TDP1: variants seen among roughly 807,000 people sequenced by gnomAD.
TDP1 encodes the protein tyr-DNA phosphodiesterase 1.
In TDP1, 64 loss-of-function variants were observed where a neutral mutation model predicts 81.5. The observed-to-expected ratio is 0.79, with a 90% confidence interval of 0.64 to 0.97. TDP1 has a LOEUF of 0.97. TDP1 is among the 50% of genes least tolerant of loss of function. The pLI is 0.00. For missense variants in TDP1, 723 were observed against 743.8 expected, an observed-to-expected ratio of 0.97 and a Z score of 0.33; for synonymous variants, 256 against 264.3, an observed-to-expected ratio of 0.97 and a Z score of 0.30.
intron 14 of TDP1, among the ~76,000 whole-genome samples, chr14:89,997,640 G>C (rs1318464319): frequency 6.6e-6 from 1 of 152,088 alleles, no homozygotes; most frequent in Admixed American, 6.5e-5. Flanking sequence ...GCGGATCAAC[G>C]CCTGGGCATT....
intron 6 of TDP1, among the ~76,000 whole-genome samples, chr14:89,974,375 A>AG (rs1317505710): frequency 6.6e-6 from 1 of 152,232 alleles, no homozygotes. Context: ...CAGTTTATAG[A>AG]GTGGCAGTCT....
chr14:90,041,488 G>C (rs1430961811), intron 16 of TDP1, among the ~76,000 whole-genome samples: 1 of 152,184 alleles, frequency 6.6e-6, no homozygotes, highest in Non-Finnish European at 1.5e-5. Flanking sequence ...CTGTTCGTAT[G>C]ATGGCTCTGA....
chr14:89,975,337 A>G lies in TDP1; in HGVS notation c.757-444A>G, dbSNP rs1196878098. ...GTGATGTGCCCGCCTCAGCCTCCCA[A>G]AGTGCTGGGATTACAGGCGTGAGCC... On this transcript the variant is annotated intron_variant, in intron 6 of 16. Coordinates refer to ENST00000335725, the MANE Select transcript of TDP1 (RefSeq NM_018319.4). 3 of 840,198 alleles carry G rather than the reference A, an allele frequency of 3.6e-6. No homozygotes were observed. In the African/African-American group the frequency reaches 5.5e-5, roughly 15 times the overall value. The allele number at this position is 840,198 out of a possible 1,614,324, so 52.0% of individuals were successfully genotyped here. A position where few individuals can be genotyped will look rare whatever the true frequency, so the allele number is the denominator to read the frequency against.
intron 14 of TDP1, among the ~76,000 whole-genome samples, chr14:90,013,776 C>T (rs1168336610): frequency 6.6e-6 from 1 of 152,200 alleles, no homozygotes; most frequent in Non-Finnish European, 1.5e-5. Flanking sequence ...CAGTTTCCCC[C>T]ATACTGTTCT....
intron 14 of TDP1, among the ~76,000 whole-genome samples, chr14:90,012,149 T>G (rs993135637): frequency 1.4e-4 from 21 of 152,152 alleles, no homozygotes; most frequent in Admixed American, 3.9e-4. Flanking sequence ...GCCCCAAGCC[T>G]TGGTGGCTTA....
intron 8 of TDP1, among the ~76,000 whole-genome samples, chr14:89,982,049 T>C (rs1057056540): frequency 9.9e-5 from 15 of 152,114 alleles, no homozygotes; most frequent in Non-Finnish European, 8.8e-5. Flanking sequence ...GCAGGACAAA[T>C]GTAATCTCCC....
intron 10 of TDP1, among the ~76,000 whole-genome samples, chr14:89,986,766 T>TA: frequency 6.6e-6 from 1 of 152,344 alleles, no homozygotes; most frequent in East Asian, 1.9e-4. Flanking sequence ...CACCATGCTG[T>TA]ACCCAAGGTG....
chr14:90,032,298 C>A (rs1174560252), intron 15 of TDP1, among the ~76,000 whole-genome samples: 1 of 152,108 alleles, frequency 6.6e-6, no homozygotes, highest in Non-Finnish European at 1.5e-5. Context: ...GTTCCTAAGA[C>A]ATCAGCACTG....
rs34387993 is a variant in TDP1, at chr14:89,969,236, A to G, written c.659+1814A>G. Among the ~76,000 whole-genome samples, 551 of 152,246 alleles carry G rather than the reference A, an allele frequency of 3.6e-3. 5 individuals carry two copies. Among genetic ancestry groups the G allele is most frequent in the African/African-American group, 0.013 (521 of 41,544 alleles). ...GGAGGCCCTGGCACACTAATACAGT[A>G]TCCACTGGACTCTCAGTAACTAAAG... On this transcript the variant is annotated intron_variant, in intron 5 of 16. Coordinates refer to ENST00000335725, the MANE Select transcript of TDP1 (RefSeq NM_018319.4).
Position 90,016,243 on chromosome 14 carries a change from C to T in TDP1, c.1542-3073C>T, listed in dbSNP as rs57969147. Reference sequence around the variant, plus strand: ...ATTTTTAGTGGAGACAGGGTTTCTCCATGTTGGTAAGACTGGTCTCGAACT... The same window carrying T: ...ATTTTTAGTGGAGACAGGGTTTCTCTATGTTGGTAAGACTGGTCTCGAACT... On this transcript the variant is annotated intron_variant, in intron 14 of 16. Transcript: ENST00000335725. Among the ~76,000 whole-genome samples, 587 of 152,158 alleles carry T rather than the reference C, an allele frequency of 3.9e-3. 2 individuals carry two copies. Among genetic ancestry groups the T allele is most frequent in the African/African-American group, 0.014 (567 of 41,508 alleles).
intron 8 of TDP1, among the ~76,000 whole-genome samples, chr14:89,982,315 C>G (rs752216618): frequency 6.6e-6 from 1 of 152,174 alleles, no homozygotes; most frequent in African/African-American, 2.4e-5. Flanking sequence ...TCAGCTGTAG[C>G]ACTTTCTTGA....
intron 8 of TDP1, chr14:89,981,449 T>G (rs1372665591): frequency 4.4e-6 from 2 of 454,830 alleles, no homozygotes; most frequent in Admixed American, 2.4e-5. Context: ...AACTTTAATT[T>G]TCTTTTGTTT....
intron 15 of TDP1, among the ~76,000 whole-genome samples, chr14:90,029,356 C>T (rs945225175): frequency 1.3e-5 from 2 of 151,974 alleles, no homozygotes; most frequent in African/African-American, 4.8e-5. Flanking sequence ...CACTACCACA[C>T]CTGGCTAATT....
intron 15 of TDP1, among the ~76,000 whole-genome samples, chr14:90,020,488 C>G (rs1596664009): frequency 1.2e-5 from 1 of 80,712 alleles, no homozygotes; most frequent in Non-Finnish European, 2.4e-5. Flanking sequence ...CCCTCCCTCC[C>G]TCCCTCCCTC....
intron 14 of TDP1, among the ~76,000 whole-genome samples, chr14:89,998,300 G>A (rs897537760): frequency 1.4e-5 from 2 of 144,832 alleles, no homozygotes; most frequent in African/African-American, 5.2e-5. Context: ...TTTGGTTTAG[G>A]TTATTGTTTT....
At chr14:89,972,903 A>G (rs1464976274) in intron 6 of TDP1, among the ~76,000 whole-genome samples, 1 of 152,172 alleles carries the variant, frequency 6.6e-6, no homozygotes, top group Non-Finnish European at 1.5e-5. Flanking sequence ...AGTGAATTAC[A>G]TCCTTTCTGG....
intron 14 of TDP1, among the ~76,000 whole-genome samples, chr14:89,995,612 A>G (rs1371979206): frequency 1.3e-5 from 2 of 152,244 alleles, no homozygotes; most frequent in Admixed American, 6.5e-5. Flanking sequence ...AAAGGAAAGT[A>G]TAGTTTCCAA....
intron 12 of TDP1, among the ~76,000 whole-genome samples, chr14:89,990,588 T>C (rs1250842688): frequency 6.9e-6 from 1 of 145,284 alleles, no homozygotes; most frequent in East Asian, 2.0e-4. Context: ...AAACCAAAAT[T>C]ACTTCACCGA....
chr14:89,963,879 C>T (rs1566844616), intron 3 of TDP1, among the ~76,000 whole-genome samples: 1 of 152,218 alleles, frequency 6.6e-6, no homozygotes, highest in East Asian at 1.9e-4. Flanking sequence ...GTTCTCAAAA[C>T]CCTGTAGCTC....
Sources: gnomAD v4.1 joint callset for allele counts (sites outside exome capture counted in the v4.1 genomes callset) on GRCh38, gnomAD v4.1.1 for gene constraint, MANE v1.5 for transcripts, NCBI Gene and HGNC (gene_info 2026-07-23, HGNC 2026-07-21) for gene names.